The following RBFOX1 variants were observed in gnomAD, a reference collection of about 807,000 sequenced individuals.
The protein encoded by RBFOX1 is RNA binding fox-1 homolog 1.
RBFOX1 carries 8 observed loss-of-function variants against 57.7 expected under a neutral mutation model. The observed-to-expected ratio is 0.14, with a 90% CI of 0.08 to 0.25. RBFOX1 has a LOEUF of 0.25. RBFOX1 is among the 10% of genes least tolerant of loss of function. RBFOX1 has a pLI of 1.00. For missense variants in RBFOX1, 611 were observed against 548.5 expected (o/e 1.11, Z -1.14); for synonymous variants, 326 against 222.4 (o/e 1.47, Z -4.15).
At chr16:7,421,061 C>G (rs1054922477) in intron 4 of RBFOX1, among the ~76,000 whole-genome samples, 2 of 151,916 alleles carry the variant, frequency 1.3e-5, no homozygotes, top group East Asian at 1.9e-4. Flanking sequence ...GACTCTTTTG[C>G]TCATCTTGCA....
In RBFOX1 at chr16:6,694,815, G is replaced by A. The variant is rs550279273; in HGVS notation, c.-16+40165G>A. Among the ~76,000 whole-genome samples the A allele has an allele frequency of 5.0e-4, 76 of 152,162 alleles. 2 individuals carry two copies. Among genetic ancestry groups the A allele is most frequent in the Non-Finnish European group, 2.1e-4 (14 of 68,018 alleles). On this transcript the variant is annotated intron_variant, in intron 3 of 15. Coordinates refer to ENST00000550418, the MANE Select transcript of RBFOX1 (RefSeq NM_018723.4). Reference sequence around the variant, plus strand: ...TTTTCCGTGCATCAGTCACTGTGACGGAACACAGTGATTGGACAGACCTGG... The same window carrying A: ...TTTTCCGTGCATCAGTCACTGTGACAGAACACAGTGATTGGACAGACCTGG...
intron 1 of RBFOX1, among the ~76,000 whole-genome samples, chr16:5,432,002 G>A (rs1335265841): frequency 6.6e-6 from 1 of 152,132 alleles, no homozygotes; most frequent in Admixed American, 6.5e-5. Context: ...GGCCTAGTGG[G>A]GTGAGAAGGA....
intron 2 of RBFOX1, among the ~76,000 whole-genome samples, chr16:6,417,024 T>A (rs891544257): frequency 6.6e-6 from 1 of 152,176 alleles, no homozygotes; most frequent in Non-Finnish European, 1.5e-5. Flanking sequence ...TTCTTTTTAT[T>A]TTTTTGAGAC....
intron 4 of RBFOX1, among the ~76,000 whole-genome samples, chr16:7,134,720 T>G (rs941130287): frequency 6.6e-6 from 1 of 152,178 alleles, no homozygotes; most frequent in African/African-American, 2.4e-5. Context: ...ACTTTTGTTG[T>G]GTTGTAGTTG....
At chr16:7,372,153 C>T (rs1037082500) in intron 4 of RBFOX1, among the ~76,000 whole-genome samples, 10 of 152,128 alleles carry the variant, frequency 6.6e-5, no homozygotes, top group Non-Finnish European at 1.3e-4. Context: ...TGATTCAAAA[C>T]TTACCTCCTA....
At chr16:6,781,696 C>G (rs1379465508) in intron 3 of RBFOX1, among the ~76,000 whole-genome samples, 1 of 151,892 alleles carries the variant, frequency 6.6e-6, no homozygotes, top group African/African-American at 2.4e-5. Context: ...CCAGATTTTC[C>G]AAATCGTTGG....
At chr16:6,669,039 G>A (rs1398660571) in intron 3 of RBFOX1, among the ~76,000 whole-genome samples, 2 of 152,102 alleles carry the variant, frequency 1.3e-5, no homozygotes, top group Admixed American at 6.5e-5. Flanking sequence ...ATGTGTGATT[G>A]GGTGACTTCA....
At chr16:5,364,123 G>GT (rs1596671249) in intron 1 of RBFOX1, among the ~76,000 whole-genome samples, 1 of 152,318 alleles carries the variant, frequency 6.6e-6, no homozygotes, top group East Asian at 1.9e-4. Flanking sequence ...GTCAAAGGAG[G>GT]TTTTGAAACA....
intron 3 of RBFOX1, among the ~76,000 whole-genome samples, chr16:7,006,906 C>G (rs1350700067): frequency 1.3e-5 from 2 of 152,308 alleles, no homozygotes; most frequent in Middle Eastern, 3.4e-3. Flanking sequence ...CATCACCTCC[C>G]CATATGGACG....
At chr16:6,617,096 C>A (rs563281837) in intron 2 of RBFOX1, among the ~76,000 whole-genome samples, 2 of 152,064 alleles carry the variant, frequency 1.3e-5, no homozygotes, top group East Asian at 3.9e-4. Flanking sequence ...GGTGCTTTGG[C>A]CCACCACGAA....
chr16:6,684,183 G>A (rs1033494669), intron 3 of RBFOX1, among the ~76,000 whole-genome samples: 4 of 152,198 alleles, frequency 2.6e-5, no homozygotes, highest in Admixed American at 2.6e-4. Flanking sequence ...TTAAACGCAA[G>A]GATGTACGCA....
chr16:7,338,677 G>C (rs1238452463), intron 4 of RBFOX1, among the ~76,000 whole-genome samples: 12 of 152,188 alleles, frequency 7.9e-5, no homozygotes, highest in Admixed American at 7.9e-4. Context: ...TATTTTATGA[G>C]ACATCTACAT....
intron 3 of RBFOX1, among the ~76,000 whole-genome samples, chr16:5,774,145 G>T (rs151272736): frequency 6.6e-6 from 1 of 152,314 alleles, no homozygotes; most frequent in South Asian, 2.1e-4. Flanking sequence ...CTGTGCAGGA[G>T]GAGGAGGAGT....
chr16:6,368,935 A>G (rs1451095644), intron 2 of RBFOX1, among the ~76,000 whole-genome samples: 1 of 152,186 alleles, frequency 6.6e-6, no homozygotes, highest in African/African-American at 2.4e-5. Flanking sequence ...ATAAACCAGG[A>G]CGAATCTCAC....
intron 4 of RBFOX1, among the ~76,000 whole-genome samples, chr16:7,441,418 A>G (rs908020404): frequency 2.6e-5 from 4 of 152,178 alleles, no homozygotes; most frequent in East Asian, 1.9e-4. Flanking sequence ...GATGTTGCCT[A>G]AGCCTCCCAT....
intron 3 of RBFOX1, among the ~76,000 whole-genome samples, chr16:6,661,090 A>G (rs1396120721): frequency 6.6e-6 from 1 of 152,190 alleles, no homozygotes; most frequent in African/African-American, 2.4e-5. Context: ...TATTCAGCTA[A>G]ATGTGGCCAT....
chr16:6,775,516 C>G (rs536345347), intron 3 of RBFOX1, among the ~76,000 whole-genome samples: 2 of 151,788 alleles, frequency 1.3e-5, no homozygotes, highest in South Asian at 2.1e-4. Flanking sequence ...TCAGATGCAA[C>G]CAATTATATC....
At chr16:5,660,456 T>C (rs1596633950) in intron 3 of RBFOX1, among the ~76,000 whole-genome samples, 1 of 152,306 alleles carries the variant, frequency 6.6e-6, no homozygotes, top group African/African-American at 2.4e-5. Flanking sequence ...CTCAGACCTG[T>C]GATTTCGTTA....
chr16:6,919,188 G>A (rs146965277), intron 3 of RBFOX1, among the ~76,000 whole-genome samples: 76 of 151,994 alleles, frequency 5.0e-4, no homozygotes, highest in African/African-American at 1.6e-3. Context: ...TCACCATGTT[G>A]GCCAGGCTGG....
Sources: allele counts gnomAD v4.1 joint callset (sites outside exome capture counted in the v4.1 genomes callset), GRCh38; gene constraint gnomAD v4.1.1; transcripts MANE v1.5; gene names NCBI Gene and HGNC (gene_info 2026-07-23, HGNC 2026-07-21).